Variants in CCDC171 observed in about 807,000 individuals in gnomAD.
CCDC171 encodes coiled-coil domain containing 171.
In CCDC171, 177 loss-of-function variants were observed where a neutral mutation model predicts 168.2. That is an observed-to-expected ratio of 1.05 (90% CI 0.93 to 1.19). The LOEUF (loss-of-function observed/expected upper bound fraction) is 1.19. Among genes scored for constraint, CCDC171 ranks in the 50% most tolerant of loss-of-function variants. The probability of loss-of-function intolerance (pLI) is 0.00; values close to 1 mark genes in which losing one functional copy is unlikely to be tolerated. For missense variants in CCDC171, 1,991 were observed against 1,539.0 expected (o/e 1.29, Z -4.91); for synonymous variants, 687 against 540.8 (o/e 1.27, Z -3.75).
intron 3 of CCDC171, among the ~76,000 whole-genome samples, chr9:15,574,761 G>A (rs2040503932): frequency 2.0e-5 from 3 of 152,176 alleles, no homozygotes. Context: ...CACGGTGATT[G>A]GCACAAAATA....
At chr9:15,822,825 G>C (rs202204245) in intron 21 of CCDC171, among the ~76,000 whole-genome samples, 13 of 152,072 alleles carry the variant, frequency 8.5e-5, no homozygotes, top group Non-Finnish European at 1.5e-4. Flanking sequence ...CCCAGCCATC[G>C]CATTGCTGGG....
At chr9:16,060,243 A>T (rs1005665090) in intron 1 of CCDC171, among the ~76,000 whole-genome samples, 4 of 152,112 alleles carry the variant, frequency 2.6e-5, no homozygotes, top group Non-Finnish European at 5.9e-5. Flanking sequence ...GGGGAAAGGG[A>T]TAGGGAGAGA....
chr9:16,078,836 G>T, the CCDC171 span, among the ~76,000 whole-genome samples: 20 of 152,194 alleles, frequency 1.3e-4, no homozygotes, highest in African/African-American at 4.8e-4. Context: ...CAGTGGGTCA[G>T]AAGTGACTGG....
chr9:16,062,588 G>A (rs373946770), downstream of CCDC171, among the ~76,000 whole-genome samples: 1 of 152,164 alleles, frequency 6.6e-6, no homozygotes, highest in Admixed American at 6.5e-5. Context: ...AAAGTAAGGA[G>A]ATGACAAATT....
chr9:15,575,157 CTTTTTTTT>C (rs57272096), intron 3 of CCDC171, among the ~76,000 whole-genome samples: 174 of 86,906 alleles, frequency 2.0e-3, no homozygotes, highest in African/African-American at 5.1e-3. Flanking sequence ...GACATAACTA[CTTTTTTTT>C]TTTTTTTTTT....
intron 24 of CCDC171, among the ~76,000 whole-genome samples, chr9:15,878,044 T>C (rs1328281): frequency 0.78 from 117,943 of 152,062 alleles, 46,611 homozygotes; most frequent in East Asian, 0.85. Context: ...CCAACCTAGG[T>C]AATACCATTC....
chr9:16,035,078 T>A lies in CCDC171; in HGVS notation n.999-379T>A, dbSNP rs1035455846. 3.9e-5 allele frequency among the ~76,000 whole-genome samples: 6 copies of A among 152,304 alleles called. No individual in the cohort carries two copies. In the South Asian group the frequency reaches 1.2e-3, roughly 32 times the overall value. ...AATCGAATAAATTATATACTGAGAA[T>A]AAAGAAAACTTAGGTAAAGCAGCAT... On this transcript the variant is annotated intron_variant and non_coding_transcript_variant, in intron 6 of 9. Transcript: ENST00000486641.
In CCDC171 at chr9:15,553,049, C is replaced by G. The variant is rs778039029; in HGVS notation, c.-365C>G. 4 of 152,548 alleles carry G rather than the reference C, an allele frequency of 2.6e-5. No homozygotes were observed. The highest frequency in any genetic ancestry group is 6.5e-5 in the Admixed American group (1 of 15,286). 9.4% of individuals were successfully genotyped at this position (152,548 alleles called of 1,614,324 possible). A position where few individuals can be genotyped will look rare whatever the true frequency, so the allele number is the denominator to read the frequency against. ...CTGAGTTGGGCTGACCTGTGAAAGT[C>G]TGGGAAGGTCTGCGAGAGAAGCGGA... is the stretch of plus-strand genomic sequence containing the variant. On this transcript the variant is annotated 5_prime_UTR_variant, in exon 1 of 26. Coordinates refer to ENST00000380701, the MANE Select transcript of CCDC171 (RefSeq NM_173550.4).
intron 3 of CCDC171, among the ~76,000 whole-genome samples, chr9:15,993,655 G>A (rs1006869993): frequency 2.0e-5 from 3 of 152,152 alleles, no homozygotes; most frequent in Non-Finnish European, 2.9e-5. Context: ...GCGTGAACAG[G>A]CAACCTACAG....
chr9:15,656,215 G>A (rs745489949), intron 7 of CCDC171, among the ~76,000 whole-genome samples: 7 of 152,050 alleles, frequency 4.6e-5, no homozygotes, highest in Admixed American at 1.3e-4. Context: ...CCAGCTACTT[G>A]GGAGGCTGAG....
At chr9:15,846,028 C>T (rs1343422085) in intron 21 of CCDC171, among the ~76,000 whole-genome samples, 9 of 152,124 alleles carry the variant, frequency 5.9e-5, no homozygotes, top group East Asian at 1.9e-4. Context: ...AAAATATTTA[C>T]AGAACACAAA....
intron 18 of CCDC171, among the ~76,000 whole-genome samples, chr9:15,770,897 C>G (rs2056978104): frequency 1.3e-5 from 2 of 152,134 alleles, no homozygotes; most frequent in Non-Finnish European, 2.9e-5. Context: ...CTACGAGTAT[C>G]CCATACATGT....
At chr9:15,793,285 A>C in intron 21 of CCDC171, among the ~76,000 whole-genome samples, 1 of 152,030 alleles carries the variant, frequency 6.6e-6, no homozygotes, top group Non-Finnish European at 1.5e-5. Context: ...TATCCTAAAT[A>C]TATATGCACC....
At chr9:15,712,457 A>G (rs193077423) in intron 11 of CCDC171, among the ~76,000 whole-genome samples, 2 of 152,340 alleles carry the variant, frequency 1.3e-5, no homozygotes, top group South Asian at 2.1e-4. Context: ...AGTGAATCCT[A>G]TGGAAACAAT....
intron 18 of CCDC171, among the ~76,000 whole-genome samples, chr9:15,750,832 G>A (rs1321202720): frequency 6.6e-6 from 1 of 152,082 alleles, no homozygotes; most frequent in Non-Finnish European, 1.5e-5. Context: ...ATACTGAATG[G>A]GCAAAAGCTG....
intron 25 of CCDC171, among the ~76,000 whole-genome samples, chr9:15,949,961 T>G (rs1183773028): frequency 6.6e-6 from 1 of 152,154 alleles, no homozygotes. Flanking sequence ...ATAGCTCTTA[T>G]TATTTTGAGA....
intron 17 of CCDC171, among the ~76,000 whole-genome samples, chr9:15,745,271 A>T (rs1391764646): frequency 6.6e-6 from 1 of 152,248 alleles, no homozygotes; most frequent in Non-Finnish European, 1.5e-5. Flanking sequence ...TTTAAAAAGC[A>T]GACTATTAAG....
At chr9:15,983,796 A>G (rs1316851324) in intron 3 of CCDC171, among the ~76,000 whole-genome samples, 1 of 131,256 alleles carries the variant, frequency 7.6e-6, no homozygotes, top group African/African-American at 3.0e-5. Flanking sequence ...CAAGGTAGGG[A>G]GGCAAGAGCT....
At chr9:15,835,352 T>C (rs1436712805) in intron 21 of CCDC171, among the ~76,000 whole-genome samples, 1 of 152,214 alleles carries the variant, frequency 6.6e-6, no homozygotes, top group African/African-American at 2.4e-5. Context: ...AAAATCAGTT[T>C]TAATTACTAT....
Sources: allele counts gnomAD v4.1 joint callset (sites outside exome capture counted in the v4.1 genomes callset), GRCh38; gene constraint gnomAD v4.1.1; transcripts MANE v1.5; gene names NCBI Gene and HGNC (gene_info 2026-07-23, HGNC 2026-07-21).